Variants in FAT3 observed in about 807,000 individuals in gnomAD.
FAT3 encodes FAT atypical cadherin 3.
In FAT3, 95 loss-of-function variants were observed where a neutral mutation model predicts 310.2. The ratio of observed to expected loss-of-function variants is 0.31; its 90% CI spans 0.26 to 0.36. The LOEUF is 0.36. Among genes scored for constraint, FAT3 ranks in the 10% least tolerant of loss-of-function variants. The pLI is 1.00. For missense variants in FAT3, 5,408 were observed against 5,715.6 expected (o/e 0.95, Z 1.74); for synonymous variants, 2,314 against 2,192.9 (o/e 1.06, Z -1.54).
rs549095226 is a variant in FAT3, at chr11:92,686,261, CAAAT to C, written c.3608-11119_3608-11116del. Among the ~76,000 whole-genome samples, 658 of 152,268 alleles carry C rather than the reference CAAAT, an allele frequency of 4.3e-3. 4 individuals carry two copies. The highest frequency in any genetic ancestry group is 0.015 in the African/African-American group (619 of 41,544). ...TCAGGAAACACATATTTACTGCTCT[CAAAT>C]AAACACATAAGGTTAATGCTAATAT... is the stretch of plus-strand genomic sequence containing the variant. On this transcript the variant is annotated intron_variant, in intron 3 of 27. Transcript: ENST00000525166.
chr11:92,877,711 C>A (rs1591843140), intron 22 of FAT3, among the ~76,000 whole-genome samples: 1 of 152,144 alleles, frequency 6.6e-6, no homozygotes, highest in Admixed American at 6.5e-5. Flanking sequence ...TTGCTATACT[C>A]TTCAATGTGA....
At chr11:92,517,109 T>C (rs1953511998) in intron 2 of FAT3, among the ~76,000 whole-genome samples, 1 of 152,178 alleles carries the variant, frequency 6.6e-6, no homozygotes, top group African/African-American at 2.4e-5. Flanking sequence ...ATTGACTTTC[T>C]TCAAAGAATT....
chr11:92,581,885 G>C (rs1035574381), intron 3 of FAT3, among the ~76,000 whole-genome samples: 1 of 152,044 alleles, frequency 6.6e-6, no homozygotes, highest in Non-Finnish European at 1.5e-5. Context: ...TCTTGCACAA[G>C]AAAGAATTTA....
rs765503291 is a variant in FAT3, at chr11:92,353,082, T to C, written c.970T>C (p.Tyr324His). The change falls in exon 2 of 28, where the codon TAC becomes CAC. Residue 324 changes from tyrosine to histidine, a missense_variant. Coordinates refer to ENST00000525166, the MANE Select transcript of FAT3 (RefSeq NM_001367949.2). ...TAAGGAAGGAAAGTGGTTGAATGAG[T>C]ACAAGATTAAGGAGAGGAAGCAGAT... ...LAKEGKWLNEYKIKERKQIDW... is the reference protein window; with the variant it reads ...LAKEGKWLNEHKIKERKQIDW... 9.9e-6 allele frequency: 16 copies of C among 1,613,580 alleles called. No homozygotes were observed. The South Asian group carries it at 1.8e-4, about 18-fold the overall frequency.
intron 1 of FAT3, among the ~76,000 whole-genome samples, chr11:92,320,914 A>AT (rs1298389963): frequency 1.3e-5 from 2 of 151,434 alleles, no homozygotes; most frequent in Non-Finnish European, 2.9e-5. Flanking sequence ...TCCTTAGACC[A>AT]TTTTCCCCCT....
chr11:92,431,510 A>C (rs375015201), intron 2 of FAT3, among the ~76,000 whole-genome samples: 1 of 151,888 alleles, frequency 6.6e-6, no homozygotes, highest in Non-Finnish European at 1.5e-5. Context: ...AAGCTCTTTA[A>C]TTTAATTAGA....
intron 4 of FAT3, among the ~76,000 whole-genome samples, chr11:92,705,546 A>ATGG (rs1565527016): frequency 5.1e-5 from 2 of 39,146 alleles, no homozygotes; most frequent in African/African-American, 2.1e-4. Context: ...TGATGGTGTG[A>ATGG]TGGTGGTGGT....
chr11:92,433,972 C>T (rs967366348), intron 2 of FAT3, among the ~76,000 whole-genome samples: 6 of 150,626 alleles, frequency 4.0e-5, no homozygotes, highest in East Asian at 2.0e-4. Context: ...GCCGAGATTG[C>T]GCCACTGCAC....
chr11:92,293,013 A>AAAGGAAGGAAGGAAGG (rs71477581), intron 1 of FAT3, among the ~76,000 whole-genome samples: 10 of 110,448 alleles, frequency 9.1e-5, no homozygotes, highest in Non-Finnish European at 1.7e-4. Flanking sequence ...GAGACTCTGC[A>AAAGGAAGGAAGGAAGG]AAGGAAGGAA....
At chr11:92,874,823 G>A (rs1227692455) in intron 22 of FAT3, among the ~76,000 whole-genome samples, 1 of 152,118 alleles carries the variant, frequency 6.6e-6, no homozygotes, top group African/African-American at 2.4e-5. Context: ...ACAGGCATGA[G>A]CCACCACACC....
At chr11:92,411,277 G>A (rs1372734198) in intron 2 of FAT3, among the ~76,000 whole-genome samples, 2 of 151,160 alleles carry the variant, frequency 1.3e-5, no homozygotes, top group African/African-American at 4.9e-5. Context: ...GCCCTGCCAT[G>A]TTAGTGTCAC....
In FAT3 at chr11:92,890,688, G is replaced by A. The variant is rs1242828514; in HGVS notation, c.13345G>A (p.Asp4449Asn). Residue 4449 changes from aspartate to asparagine, a missense_variant, in exon 28 of 28, where the codon GAC becomes AAC. Transcript: ENST00000525166. Reference protein sequence around the residue: ...PPHEEEFLSQDQLPPPLPEDF... With the variant: ...PPHEEEFLSQNQLPPPLPEDF... ...TCATGAAGAGGAGTTCTTGAGTCAGGACCAGCTGCCTCCTCCTCTCCCGGA... is the reference window on the plus strand; with the variant it reads ...TCATGAAGAGGAGTTCTTGAGTCAGAACCAGCTGCCTCCTCCTCTCCCGGA... 3 of 1,613,482 alleles carry A rather than the reference G, an allele frequency of 1.9e-6. No individual in the cohort carries two copies. The highest frequency in any genetic ancestry group is 2.5e-6 in the Non-Finnish European group (3 of 1,179,790).
rs116240561 is a variant in FAT3, at chr11:92,374,501, G to C, written c.3292+19097G>C. The stretch of plus-strand genomic sequence containing the variant: ...TGTTACCTGGTATTTTAACTTGCAG[G>C]AAGGCAAGAAAGATGGAGAATAAGT... On this transcript the variant is annotated intron_variant, in intron 2 of 27. Transcript: ENST00000525166. Among the ~76,000 whole-genome samples, 543 of 152,256 alleles carry C rather than the reference G, an allele frequency of 3.6e-3. 2 individuals carry two copies. The highest frequency in any genetic ancestry group is 0.012 in the African/African-American group (509 of 41,564).
In FAT3 at chr11:92,412,714, T is replaced by TACACAC. The variant is rs1332946448; in HGVS notation, c.3292+57311_3292+57312insCACACA. On this transcript the variant is annotated intron_variant, in intron 2 of 27. Transcript: ENST00000525166. ...CTATGATGGTGGTGATATATATATA[T>TACACAC]ATATATATATATATATATATATATA... Among the ~76,000 whole-genome samples the TACACAC allele has an allele frequency of 5.2e-4, 10 of 19,358 alleles. 2 individuals carry two copies. The South Asian group carries it at 6.8e-3, about 13-fold the overall frequency. 12.7% of individuals were successfully genotyped at this position (19,358 alleles called of 152,430 possible). A position where few individuals can be genotyped will look rare whatever the true frequency, so the allele number is the denominator to read the frequency against.
At chr11:92,309,878 C>G (rs1947251199) in intron 1 of FAT3, among the ~76,000 whole-genome samples, 4 of 151,764 alleles carry the variant, frequency 2.6e-5, no homozygotes, top group Admixed American at 2.6e-4. Context: ...TGTTCTCTTT[C>G]TAAGGCTTCC....
intron 2 of FAT3, among the ~76,000 whole-genome samples, chr11:92,451,238 G>A (rs1259145550): frequency 1.3e-5 from 2 of 152,122 alleles, no homozygotes; most frequent in East Asian, 1.9e-4. Context: ...CTGATTTATG[G>A]CCAGGTTCAT....
At chr11:92,885,252 A>G (rs143158656) in intron 24 of FAT3, among the ~76,000 whole-genome samples, 56 of 152,286 alleles carry the variant, frequency 3.7e-4, no homozygotes, top group Middle Eastern at 3.4e-3. Context: ...GTGTTGCATC[A>G]TCTCCTTAAA....
intron 4 of FAT3, among the ~76,000 whole-genome samples, chr11:92,752,403 G>T (rs568897861): frequency 2.9e-4 from 44 of 152,174 alleles, no homozygotes; most frequent in Non-Finnish European, 5.4e-4. Context: ...TTTCCTTATT[G>T]GTTAAATTGG....
chr11:92,771,577 C>T (rs563357746), intron 6 of FAT3, among the ~76,000 whole-genome samples: 45 of 152,174 alleles, frequency 3.0e-4, no homozygotes, highest in African/African-American at 1.1e-3. Flanking sequence ...TCCGAGGCTG[C>T]TAGCTATATT....
Sources: allele counts gnomAD v4.1 joint callset (sites outside exome capture counted in the v4.1 genomes callset), GRCh38; gene constraint gnomAD v4.1.1; transcripts MANE v1.5; gene names NCBI Gene and HGNC (gene_info 2026-07-23, HGNC 2026-07-21).